Variants in ANKS3 observed in about 807,000 individuals in gnomAD.
The protein encoded by ANKS3 is ankyrin repeat and sterile alpha motif domain containing 3.
In ANKS3, 62 loss-of-function variants were observed where a neutral mutation model predicts 80.7. The ratio of observed to expected loss-of-function variants is 0.77; its 90% CI spans 0.63 to 0.95. ANKS3 has a LOEUF of 0.95. ANKS3 is among the 40% of genes least tolerant of loss of function. The pLI is 0.00. For missense variants in ANKS3, 1,150 were observed against 883.6 expected (o/e 1.30, Z -3.82); for synonymous variants, 489 against 355.3 (o/e 1.38, Z -4.23).
Position 4,696,736 on chromosome 16 carries a change from A to T in ANKS3, c.*172T>A, listed in dbSNP as rs1361565412. On this transcript the variant is annotated 3_prime_UTR_variant, in exon 18 of 18. Coordinates refer to ENST00000304283, the MANE Select transcript of ANKS3 (RefSeq NM_133450.4). The stretch of plus-strand genomic sequence containing the variant: ...CAGTGCTGGCCCGAGCTGCCGAGCC[A>T]GGGCCGCAGCCCCCGTCTTGCCTCT... 5.9e-6 allele frequency: 3 copies of T among 506,682 alleles called. No individual in the cohort carries two copies. Among genetic ancestry groups the T allele is most frequent in the African/African-American group, 1.9e-5 (1 of 51,566 alleles). 31.4% of individuals were successfully genotyped at this position (506,682 alleles called of 1,614,324 possible).
At chr16:4,719,650 A>C (rs979435811) in intron 6 of ANKS3, among the ~76,000 whole-genome samples, 2 of 151,754 alleles carry the variant, frequency 1.3e-5, no homozygotes, top group Non-Finnish European at 1.5e-5. Context: ...CAAAAAAAAA[A>C]CAGCCAGGCG....
intron 6 of ANKS3, 197 bp from the exon 7 acceptor site, chr16:4,714,383 G>C (rs946552356): frequency 1.3e-6 from 1 of 741,010 alleles, no homozygotes; most frequent in African/African-American, 1.8e-5. Flanking sequence ...CTCTTCTTAG[G>C]GACAAGGATG....
Position 4,697,840 on chromosome 16 carries a change from T to C in ANKS3, c.1810+137A>G, listed in dbSNP as rs2079657353. 2.7e-5 allele frequency: 23 copies of C among 847,612 alleles called. 2 individuals are homozygous for C. In the South Asian group the frequency reaches 4.3e-4, roughly 16 times the overall value. The allele number at this position is 847,612 out of a possible 1,614,324, so 52.5% of individuals were successfully genotyped here. On this transcript the variant is annotated intron_variant, in intron 15 of 17. Transcript: ENST00000304283. The stretch of plus-strand genomic sequence containing the variant: ...AGGGCCCCCTCTTTTCCTTGGACTC[T>C]GGGATCATGTGCACACAGGGACCTG...
chr16:4,728,946 A>G (rs1244897410), intron 3 of ANKS3, among the ~76,000 whole-genome samples: 3 of 152,128 alleles, frequency 2.0e-5, no homozygotes, highest in Non-Finnish European at 4.4e-5. Context: ...GGAACCGGAG[A>G]CCTGGGGCTT....
intron 6 of ANKS3, among the ~76,000 whole-genome samples, chr16:4,715,354 C>G (rs549578300): frequency 5.3e-5 from 8 of 152,336 alleles, no homozygotes; most frequent in Non-Finnish European, 5.9e-5. Flanking sequence ...TCTCTCCTGT[C>G]AGACCAGGCA....
At chr16:4,715,639 A>G (rs1417064380) in intron 6 of ANKS3, among the ~76,000 whole-genome samples, 2 of 152,222 alleles carry the variant, frequency 1.3e-5, no homozygotes, top group African/African-American at 4.8e-5. Context: ...CATATACATT[A>G]CAACTCCGGC....
Position 4,727,037 on chromosome 16 carries a change from G to C in ANKS3, c.311C>G (p.Thr104Ser), listed in dbSNP as rs1567445687. ...ACAGCTGGAGGCCAGCATCAGTGGA[G>C]TCTGCCCTTCTGGGGTCGGCACATT... ...SVNVPTPEGQ[T>S]PLMLASSCGN... The change falls in exon 4 of 18, where the codon ACT (threonine) becomes AGT (serine). Residue 104 changes from threonine (T) to serine (S), a missense_variant. Transcript: ENST00000304283. 6.2e-7 allele frequency: 1 copy of C among 1,614,180 alleles called. No individual in the cohort carries two copies.
At chr16:4,711,435 T>A (rs975561742) in intron 7 of ANKS3, among the ~76,000 whole-genome samples, 1 of 150,852 alleles carries the variant, frequency 6.6e-6, no homozygotes, top group Admixed American at 6.6e-5. Flanking sequence ...GAGAAAAAAA[T>A]TGGCCGGGTG....
intron 5 of ANKS3, 29 bp downstream of exon 5, chr16:4,726,630 C>T (rs1381592950): frequency 1.2e-6 from 2 of 1,608,192 alleles, no homozygotes; most frequent in African/African-American, 2.7e-5. Flanking sequence ...CTAGGCCACT[C>T]CTGTGGCCAC....
intron 7 of ANKS3, among the ~76,000 whole-genome samples, chr16:4,706,697 C>T (rs2080214123): frequency 6.6e-6 from 1 of 152,156 alleles, no homozygotes; most frequent in South Asian, 2.1e-4. Flanking sequence ...TGATCTGATT[C>T]TACTTTTAAG....
chr16:4,705,561 T>C (rs1042214814), intron 7 of ANKS3, among the ~76,000 whole-genome samples: 1 of 152,188 alleles, frequency 6.6e-6, no homozygotes, highest in Non-Finnish European at 1.5e-5. Flanking sequence ...GCCTCCTGGG[T>C]TCTAGCGATT....
At chr16:4,719,834 C>G (rs190124297) in intron 6 of ANKS3, among the ~76,000 whole-genome samples, 1 of 151,812 alleles carries the variant, frequency 6.6e-6, no homozygotes, top group Non-Finnish European at 1.5e-5. Flanking sequence ...TAATTATTTG[C>G]AGAAAAAGAA....
intron 6 of ANKS3, chr16:4,717,619 A>C (rs1249435091): frequency 6.6e-6 from 1 of 152,174 alleles, no homozygotes; most frequent in African/African-American, 2.4e-5. Flanking sequence ...AACCAGAATA[A>C]AACAGTAGCC....
Position 4,724,798 on chromosome 16 carries a change from T to C in ANKS3, c.525A>G (p.Glu175=), listed in dbSNP as rs1294321057. The change falls in exon 6 of 18, where the codon GAA becomes GAG. Residue 175 remains glutamate (E), a synonymous_variant. Transcript: ENST00000304283. ...TTATCTCATGGCCAGCAGCAGCTGC[T>C]TCCATCAAGGGAGTAAATCCACATA... ...EPICGFTPLM[E]AAAAGHEIIV... 6.2e-7 allele frequency: 1 copy of C among 1,614,166 alleles called. No individual in the cohort carries two copies. The highest frequency in any genetic ancestry group is 1.1e-5 in the South Asian group (1 of 91,070).
chr16:4,703,567 C>T (rs1439425036), intron 8 of ANKS3, among the ~76,000 whole-genome samples: 2 of 152,000 alleles, frequency 1.3e-5, no homozygotes, highest in Non-Finnish European at 2.9e-5. Flanking sequence ...ATTATAGGCA[C>T]GTACTACCAT....
At position 4,698,005 on chromosome 16, in the gene ANKS3, G is replaced by A; in HGVS notation, c.1782C>T (p.Ala594=). The A allele has an allele frequency of 2.5e-6, 4 of 1,605,566 alleles. No individual in the cohort carries two copies. Among genetic ancestry groups the A allele is most frequent in the Non-Finnish European group, 3.4e-6 (4 of 1,176,836 alleles). The change falls in exon 15 of 18, where the codon GCC becomes GCT. Residue 594 remains alanine, a synonymous_variant. Transcript: ENST00000304283. ...RVRQDQPPGA[A]TLGLAVPPAD... ...CTGGGGGGACGGCTAGGCCCAGAGTGGCTGCACCAGGGGGCTGGTCCTGCC... is the reference window on the plus strand; with the variant it reads ...CTGGGGGGACGGCTAGGCCCAGAGTAGCTGCACCAGGGGGCTGGTCCTGCC...
rs771032839 is a variant in ANKS3, at chr16:4,701,458, G to C, written c.1095C>G (p.Ser365Arg). 1.2e-6 allele frequency: 2 copies of C among 1,608,126 alleles called. No homozygotes were observed. The highest frequency in any genetic ancestry group is 2.2e-5 in the East Asian group (1 of 44,714). Residue 365 changes from serine (S) to arginine (R), a missense_variant, in exon 10 of 18, where the codon AGC becomes AGG. Ser to Arg is a moderately radical substitution (Grantham distance 110). Coordinates refer to ENST00000304283, the MANE Select transcript of ANKS3 (RefSeq NM_133450.4). ...EGLARAQGLS[S>R]EASVESNEDS... The stretch of plus-strand genomic sequence containing the variant: ...CCTCGTTGCTCTCCACAGAAGCTTC[G>C]CTGCTGAGCCCCTGGGCTCTGGCCA...
At chr16:4,716,168 C>A (rs1428826787) in intron 6 of ANKS3, among the ~76,000 whole-genome samples, 1 of 151,534 alleles carries the variant, frequency 6.6e-6, no homozygotes, top group Non-Finnish European at 1.5e-5. Flanking sequence ...CCAGCCTGGC[C>A]AACAGGGTGA....
intron 3 of ANKS3, among the ~76,000 whole-genome samples, chr16:4,728,478 G>C (rs901484389): frequency 6.6e-6 from 1 of 152,134 alleles, no homozygotes; most frequent in African/African-American, 2.4e-5. Context: ...CCTGGCCAGG[G>C]GGGCTGCATG....
Sources: allele counts gnomAD v4.1 joint callset (sites outside exome capture counted in the v4.1 genomes callset), GRCh38; gene constraint gnomAD v4.1.1; transcripts MANE v1.5; gene names NCBI Gene and HGNC (gene_info 2026-07-23, HGNC 2026-07-21).